Variants in ACOT7 observed in about 807,000 individuals in gnomAD.
ACOT7 encodes the protein cytosolic acyl coenzyme A thioester hydrolase.
A neutral mutation model predicts 40.2 loss-of-function variants in ACOT7; 12 were observed. The observed-to-expected ratio is 0.30, with a 90% CI of 0.19 to 0.48. The LOEUF (loss-of-function observed/expected upper bound fraction) is 0.48, where lower values mean the gene tolerates loss of function less well. Among genes scored for constraint, ACOT7 ranks in the 20% least tolerant of loss-of-function variants. The probability of loss-of-function intolerance (pLI) is 0.99; values close to 1 mark genes in which losing one functional copy is unlikely to be tolerated. For missense variants in ACOT7, 395 were observed against 530.8 expected (o/e 0.74, Z 2.51); for synonymous variants, 228 against 219.5 (o/e 1.04, Z -0.34).
At chr1:6,360,588 A>G in intron 1 of ACOT7, 7 of 1,614,120 alleles carry the variant, frequency 4.3e-6, no homozygotes, top group East Asian at 2.2e-5. Flanking sequence ...CTTCTCCCCA[A>G]AACAGGCCCT....
intron 4 of ACOT7, among the ~76,000 whole-genome samples, chr1:6,327,901 G>C (rs150838582): frequency 5.6e-4 from 85 of 152,074 alleles, no homozygotes; most frequent in African/African-American, 2.0e-3. Context: ...AGCCTCCCCG[G>C]TACCTGGGAC....
intron 1 of ACOT7, among the ~76,000 whole-genome samples, chr1:6,361,546 C>T (rs1446212849): frequency 6.6e-6 from 1 of 152,194 alleles, no homozygotes; most frequent in Non-Finnish European, 1.5e-5. Flanking sequence ...CGCCTGTAAT[C>T]CCAGCCCCTT....
intron 5 of ACOT7, among the ~76,000 whole-genome samples, chr1:6,318,949 A>C (rs926390835): frequency 6.6e-6 from 1 of 152,208 alleles, no homozygotes; most frequent in South Asian, 2.1e-4. Flanking sequence ...TTTTACAAGA[A>C]GTGCCACAGT....
intron 1 of ACOT7, among the ~76,000 whole-genome samples, chr1:6,357,690 G>T (rs950314679): frequency 6.6e-6 from 1 of 152,196 alleles, no homozygotes; most frequent in Non-Finnish European, 1.5e-5. Context: ...CGGAAGGAAA[G>T]GAGAAGCGGG....
intron 7 of ACOT7, among the ~76,000 whole-genome samples, chr1:6,292,959 G>C (rs565141065): frequency 1.4e-5 from 2 of 145,986 alleles, no homozygotes; most frequent in Admixed American, 1.4e-4. Flanking sequence ...GCGCGATCTC[G>C]GCTCACTGCA....
At chr1:6,297,792 C>T (rs1292305051) in intron 6 of ACOT7, among the ~76,000 whole-genome samples, 2 of 152,100 alleles carry the variant, frequency 1.3e-5, no homozygotes, top group African/African-American at 4.8e-5. Context: ...TTCGAAATAC[C>T]GCAGTGGGAA....
chr1:6,381,796 A>C (rs558077318), intron 1 of ACOT7, among the ~76,000 whole-genome samples: 1 of 152,118 alleles, frequency 6.6e-6, no homozygotes, highest in African/African-American at 2.4e-5. Flanking sequence ...TGGAATAAGC[A>C]AAATGTGGTC....
chr1:6,345,868 C>T (rs978781262), intron 2 of ACOT7, among the ~76,000 whole-genome samples: 28 of 152,260 alleles, frequency 1.8e-4, no homozygotes, highest in Admixed American at 7.8e-4. Context: ...GCGGGCTCAT[C>T]GTAAGCGCTT....
chr1:6,365,759 C>T (rs1223663517), intron 1 of ACOT7, among the ~76,000 whole-genome samples: 3 of 56,686 alleles, frequency 5.3e-5, no homozygotes, highest in South Asian at 9.0e-4. Context: ...CAGAGCAAGA[C>T]CCCATCTCAA....
At position 6,360,838 on chromosome 1, in the gene ACOT7, C is replaced by A. The variant is rs935461700; in HGVS notation, c.144-10972G>T. The A allele has an allele frequency of 7.1e-6, 9 of 1,261,360 alleles. No homozygotes were observed. The African/African-American group carries it at 1.4e-4, about 19-fold the overall frequency. 78.1% of individuals were successfully genotyped at this position (1,261,360 alleles called of 1,614,324 possible). A position where few individuals can be genotyped will look rare whatever the true frequency, so the allele number is the denominator to read the frequency against. Reference sequence around the variant, plus strand: ...AGGTGTGCTAGGCCCACCACCCACCCCAAATCAGTGAGGACCTACCAGGCT... The same window carrying A: ...AGGTGTGCTAGGCCCACCACCCACCACAAATCAGTGAGGACCTACCAGGCT... On this transcript the variant is annotated intron_variant, in intron 1 of 8. Coordinates refer to ENST00000361521, the MANE Select transcript of ACOT7 (RefSeq NM_007274.4).
At chr1:6,296,713 GC>G (rs375200374) in intron 6 of ACOT7, among the ~76,000 whole-genome samples, 70 of 152,070 alleles carry the variant, frequency 4.6e-4, no homozygotes, top group African/African-American at 1.6e-3. Context: ...ATGAGCCACC[GC>G]ACCTGGCCAT....
chr1:6,268,971 C>T (rs75822206), intron 8 of ACOT7, among the ~76,000 whole-genome samples: 2,515 of 152,226 alleles, frequency 0.017, 75 homozygotes, highest in African/African-American at 0.056. Flanking sequence ...CACCCCTTTG[C>T]CCCCACATGG....
chr1:6,303,686 A>T (rs1003246820), intron 6 of ACOT7, among the ~76,000 whole-genome samples: 3 of 152,190 alleles, frequency 2.0e-5, no homozygotes, highest in Non-Finnish European at 4.4e-5. Context: ...TCTTGTTTTA[A>T]ATACCCCACC....
intron 1 of ACOT7, among the ~76,000 whole-genome samples, chr1:6,376,455 G>A (rs1228519783): frequency 2.0e-5 from 3 of 151,578 alleles, no homozygotes; most frequent in African/African-American, 4.9e-5. Flanking sequence ...GGGGCCAGGC[G>A]CGGTGGCTCA....
In ACOT7 at chr1:6,311,250, G is replaced by A. The variant is rs971758043; in HGVS notation, c.712+7242C>T. 1.3e-5 allele frequency among the ~76,000 whole-genome samples: 2 copies of A among 152,172 alleles called. No individual in the cohort carries two copies. The highest frequency in any genetic ancestry group is 4.8e-5 in the African/African-American group (2 of 41,428). On this transcript the variant is annotated intron_variant, in intron 6 of 8. Transcript: ENST00000361521. This position sits in a 1 kb window ranked among gnomAD's most constrained non-coding sequence, Gnocchi z 5.2. The stretch of plus-strand genomic sequence containing the variant: ...CTCAGAGCCGATGTGATCAGTAAAC[G>A]TTGAGGTTCTTTTCTAAGCCAGAGA...
chr1:6,298,779 G>A (rs542965953), intron 6 of ACOT7, among the ~76,000 whole-genome samples: 35 of 152,354 alleles, frequency 2.3e-4, no homozygotes, highest in African/African-American at 8.4e-4. Flanking sequence ...TAAAGGCCCA[G>A]CAAGCCCAGC....
chr1:6,323,737 A>AAAAAATATAT (rs1553158667), intron 5 of ACOT7, among the ~76,000 whole-genome samples: 1 of 38,418 alleles, frequency 2.6e-5, no homozygotes, highest in Non-Finnish European at 5.1e-5. Flanking sequence ...AAAAAAAAAA[A>AAAAAATATAT]ATATATATAT....
chr1:6,337,437 T>A (rs1188611832), intron 3 of ACOT7, among the ~76,000 whole-genome samples: 1 of 152,240 alleles, frequency 6.6e-6, no homozygotes, highest in Non-Finnish European at 1.5e-5. Context: ...GATGCCCAGT[T>A]CTTCCTGGTC....
intron 2 of ACOT7, among the ~76,000 whole-genome samples, chr1:6,343,480 G>A (rs1002834375): frequency 2.0e-5 from 3 of 152,264 alleles, no homozygotes; most frequent in South Asian, 2.1e-4. Context: ...AGGGTGGCCC[G>A]ATGCTTCCCC....
Sources: gnomAD v4.1 joint callset for allele counts (sites outside exome capture counted in the v4.1 genomes callset) on GRCh38, gnomAD v4.1.1 for gene constraint, Gnocchi (gnomAD v3.1) non-coding constraint, MANE v1.5 for transcripts, NCBI Gene and HGNC (gene_info 2026-07-23, HGNC 2026-07-21) for gene names.